CCDC180: variants seen among roughly 807,000 people sequenced by gnomAD.
CCDC180 encodes coiled-coil domain containing 180.
In CCDC180, 154 loss-of-function variants were observed where a neutral mutation model predicts 209.2. The ratio of observed to expected loss-of-function variants is 0.74; its 90% CI spans 0.65 to 0.84. The LOEUF is 0.84. Ranked by LOEUF, CCDC180 falls within the 40% of genes least tolerant of loss-of-function variation. The pLI, the probability that CCDC180 is intolerant of heterozygous loss-of-function variation, is 0.00. For synonymous variants in CCDC180, 778 were observed against 749.1 expected, an observed-to-expected ratio of 1.04 and a Z score of -0.63; for missense variants, 1,874 against 1,997.3, an observed-to-expected ratio of 0.94 and a Z score of 1.18.
At position 97,362,262 on chromosome 9, in the gene CCDC180, A is replaced by G. The variant is rs776504471; in HGVS notation, c.3723A>G (p.Ala1241=). The G allele has an allele frequency of 1.2e-6, 2 of 1,614,064 alleles. No individual in the cohort carries two copies. Among genetic ancestry groups the G allele is most frequent in the East Asian group, 2.2e-5 (1 of 44,866 alleles). The change falls in exon 28 of 37, where the codon GCA becomes GCG. Residue 1241 remains alanine, a synonymous_variant. Coordinates refer to ENST00000529487, the MANE Select transcript of CCDC180 (RefSeq NM_020893.6). ...DKDPSQTGRG[A]WACGSRGSSE... is the part of the protein sequence containing the mutation. ...ATCCGTCCCAGACAGGTAGAGGCGC[A>G]TGGGCCTGTGGGTCTCGGGGCAGCA...
chr9:97,324,438 T>A (rs1477171564), intron 13 of CCDC180, among the ~76,000 whole-genome samples: 2 of 152,230 alleles, frequency 1.3e-5, no homozygotes, highest in African/African-American at 4.8e-5. Flanking sequence ...AATATCTTCT[T>A]TTGATTATTT....
intron 19 of CCDC180, among the ~76,000 whole-genome samples, chr9:97,346,318 C>T (rs1826260522): frequency 6.6e-6 from 1 of 152,162 alleles, no homozygotes; most frequent in African/African-American, 2.4e-5. Context: ...AAAATTAGCT[C>T]AAGTTTCCAT....
intron 19 of CCDC180, 40 bp downstream of exon 19, chr9:97,343,603 A>T: frequency 7.2e-7 from 1 of 1,381,528 alleles, no homozygotes; most frequent in Non-Finnish European, 1.0e-6. Context: ...TGTTGTTCTG[A>T]GTTTTGTAAA....
At chr9:97,327,952 C>G in intron 15 of CCDC180, 68 bp from the exon 16 acceptor site, 2 of 1,540,290 alleles carry the variant, frequency 1.3e-6, no homozygotes, top group Non-Finnish European at 1.8e-6. Flanking sequence ...CAGATTGCAG[C>G]CCATCTCCTT....
chr9:97,373,732 G>A (rs919269973), intron 34 of CCDC180: 1 of 152,232 alleles, frequency 6.6e-6, no homozygotes, highest in African/African-American at 2.4e-5. Context: ...TGCATCTCTA[G>A]AGCAACAGAC....
rs1343336441 is a variant in CCDC180 at position 97,307,786 on chromosome 9, C to G, written c.-102C>G. On this transcript the variant is annotated 5_prime_UTR_variant, in exon 1 of 37. Transcript: ENST00000529487. The stretch of plus-strand genomic sequence containing the variant: ...CGGCGGGGAGAACCGGCCTCCTGCT[C>G]GAGTTCAGAGCTCATCTGAGGTTAG... The G allele has an allele frequency of 1.2e-6, 2 of 1,614,222 alleles. No homozygotes were observed. Among genetic ancestry groups the G allele is most frequent in the Admixed American group, 3.3e-5 (2 of 60,030 alleles).
At chr9:97,356,922 C>T (rs1437490887) in intron 24 of CCDC180, among the ~76,000 whole-genome samples, 1 of 152,142 alleles carries the variant, frequency 6.6e-6, no homozygotes, top group Non-Finnish European at 1.5e-5. Context: ...TGGGGATATG[C>T]CAAAATTGGC....
chr9:97,318,337 G>A, intron 9 of CCDC180, 126 bp from the exon 10 acceptor site: 6 of 1,168,094 alleles, frequency 5.1e-6, no homozygotes, highest in Non-Finnish European at 7.1e-6. Flanking sequence ...GGAGGAAGGG[G>A]CTGGGGGTGG....
intron 29 of CCDC180, chr9:97,364,356 A>T (rs1446802808): frequency 8.1e-6 from 4 of 491,486 alleles, no homozygotes; most frequent in Admixed American, 4.0e-5. Flanking sequence ...GCTAACAAGC[A>T]TTTCCTGGTG....
Position 97,308,042 on chromosome 9 carries a change from G to T in CCDC180, c.-22G>T. ...TTCCTGGACGACGGCTTCCCGGCAG[G>T]GGCATCCAGCCAGCGGCCAAGATGT... is the stretch of plus-strand genomic sequence containing the variant. On this transcript the variant is annotated 5_prime_UTR_variant, in exon 2 of 37. Coordinates refer to ENST00000529487, the MANE Select transcript of CCDC180 (RefSeq NM_020893.6). The T allele has an allele frequency of 6.2e-7, 1 of 1,613,252 alleles. No homozygotes were observed. The highest frequency in any genetic ancestry group is 2.2e-5 in the East Asian group (1 of 44,856).
intron 24 of CCDC180, among the ~76,000 whole-genome samples, chr9:97,355,332 T>A (rs1352266511): frequency 6.6e-6 from 1 of 152,124 alleles, no homozygotes; most frequent in African/African-American, 2.4e-5. Context: ...TTTTTTCTAT[T>A]TTTTGTAGAG....
In CCDC180 at chr9:97,345,125, A is replaced by G. The variant is rs748918885; in HGVS notation, c.2498+1562A>G. On this transcript the variant is annotated intron_variant, in intron 19 of 36. Coordinates refer to ENST00000529487, the MANE Select transcript of CCDC180 (RefSeq NM_020893.6). ...TACTGATACACATTTGGTCTTTCCA[A>G]TTTGGGGATATACCAATAATGTTGC... 2.6e-5 allele frequency among the ~76,000 whole-genome samples: 4 copies of G among 152,292 alleles called. No homozygotes were observed. The South Asian group carries it at 6.2e-4, about 24-fold the overall frequency.
intron 25 of CCDC180, among the ~76,000 whole-genome samples, chr9:97,359,531 G>A (rs1334159964): frequency 1.3e-5 from 2 of 152,134 alleles, no homozygotes; most frequent in Non-Finnish European, 2.9e-5. Flanking sequence ...GAGGGTGCGT[G>A]TTAGACATTG....
In CCDC180 at chr9:97,370,066, G is replaced by T. The variant is rs150255085; in HGVS notation, c.4334G>T (p.Arg1445Leu). The T allele has an allele frequency of 6.2e-7, 1 of 1,613,950 alleles. No individual in the cohort carries two copies. The highest frequency in any genetic ancestry group is 8.5e-7 in the Non-Finnish European group (1 of 1,179,952). The change falls in exon 32 of 37, where the codon CGG becomes CTG. Residue 1445 changes from arginine to leucine, a missense_variant. By Grantham distance (102) the Arg-to-Leu change is moderately radical (BLOSUM62 -2). Transcript: ENST00000529487. ...IRGQFEEQQK[R>L]LEKRKDKNAQ... ...GGACAGTTCGAGGAACAGCAGAAGCGGCTGGAGAAAAGAAAGGTGAGGGCC... is the reference window on the plus strand; with the variant it reads ...GGACAGTTCGAGGAACAGCAGAAGCTGCTGGAGAAAAGAAAGGTGAGGGCC...
At chr9:97,361,384 T>G (rs1490486617) in intron 26 of CCDC180, among the ~76,000 whole-genome samples, 2 of 152,174 alleles carry the variant, frequency 1.3e-5, no homozygotes, top group East Asian at 1.9e-4. Flanking sequence ...TTGGTATAAG[T>G]GCAAGTTAAA....
chr9:97,370,903 G>T, intron 33 of CCDC180, 125 bp downstream of exon 33: 2 of 885,316 alleles, frequency 2.3e-6, no homozygotes, highest in Non-Finnish European at 1.6e-6. Flanking sequence ...ATCGTGGTTG[G>T]GTTTTGTAGG....
chr9:97,346,728 C>T (rs548204902), intron 19 of CCDC180, among the ~76,000 whole-genome samples: 2 of 152,238 alleles, frequency 1.3e-5, no homozygotes, highest in South Asian at 2.1e-4. Flanking sequence ...GCGCATGTCA[C>T]CATGACCAGC....
At chr9:97,368,447 C>T (rs551431284) in intron 31 of CCDC180, among the ~76,000 whole-genome samples, 1 of 152,284 alleles carries the variant, frequency 6.6e-6, no homozygotes, top group Admixed American at 6.5e-5. Context: ...AACAGGGCTT[C>T]CTGAGTAAGG....
chr9:97,360,516 TCA>T (rs1303510237), intron 26 of CCDC180, among the ~76,000 whole-genome samples: 2 of 152,116 alleles, frequency 1.3e-5, no homozygotes, highest in East Asian at 3.9e-4. Flanking sequence ...CCACATCCTC[TCA>T]CATCTCCCAT....
Sources: allele counts gnomAD v4.1 joint callset (sites outside exome capture counted in the v4.1 genomes callset), GRCh38; gene constraint gnomAD v4.1.1; transcripts MANE v1.5; gene names NCBI Gene and HGNC (gene_info 2026-07-23, HGNC 2026-07-21).